MEGF6: variants seen among roughly 807,000 people sequenced by gnomAD.
The protein encoded by MEGF6 is multiple EGF like domains 6, also known as multiple epidermal growth factor-like domains protein 6.
Under a neutral mutation model 207.1 loss-of-function variants are expected in MEGF6, and 184 were observed. That is an observed-to-expected ratio of 0.89 (90% CI 0.79 to 1.00). MEGF6 has a LOEUF of 1.00. Among genes scored for constraint, MEGF6 ranks in the 50% least tolerant of loss-of-function variants. The pLI, the probability that MEGF6 is intolerant of heterozygous loss-of-function variation, is 0.00. For synonymous variants in MEGF6, 1,038 were observed against 910.0 expected, an observed-to-expected ratio of 1.14 and a Z score of -2.53; for missense variants, 2,282 against 2,202.9, an observed-to-expected ratio of 1.04 and a Z score of -0.72.
intron 5 of MEGF6, among the ~76,000 whole-genome samples, 193 bp from the exon 6 acceptor site, chr1:3,515,720 T>A (rs1456637617): frequency 3.0e-4 from 46 of 152,174 alleles, no homozygotes; most frequent in Admixed American, 3.0e-3. Flanking sequence ...CAGGCCTGGT[T>A]TTGCCTTCTC....
chr1:3,526,128 A>G (rs1641953096), intron 4 of MEGF6, among the ~76,000 whole-genome samples: 1 of 152,222 alleles, frequency 6.6e-6, no homozygotes, highest in Non-Finnish European at 1.5e-5. Context: ...GACCCCCACC[A>G]GAGAGACTTC....
In MEGF6 at chr1:3,492,212, CACAG is replaced by C. The variant is rs1263782404; in HGVS notation, c.4516+423_4516+426del. Among the ~76,000 whole-genome samples the C allele has an allele frequency of 3.3e-5, 5 of 152,188 alleles. No homozygotes were observed. The South Asian group carries it at 1.0e-3, about 32-fold the overall frequency. On this transcript the variant is annotated intron_variant, in intron 35 of 36. Coordinates refer to ENST00000356575, the MANE Select transcript of MEGF6 (RefSeq NM_001409.4). Reference sequence around the variant, plus strand: ...CTGTACGCACTGTTGCACGTGCGTGCACAGACACACCCTCACACCCTGGTGCACG... The same window carrying C: ...CTGTACGCACTGTTGCACGTGCGTGCACACACCCTCACACCCTGGTGCACG...
the MEGF6 span, among the ~76,000 whole-genome samples, chr1:3,622,942 C>T: frequency 2.6e-5 from 4 of 152,132 alleles, no homozygotes; most frequent in Admixed American, 2.6e-4. Context: ...TATAGACATC[C>T]AAGTCACTCC....
intron 3 of MEGF6, among the ~76,000 whole-genome samples, chr1:3,590,355 G>A (rs374923654): frequency 6.6e-6 from 1 of 151,650 alleles, no homozygotes; most frequent in Non-Finnish European, 1.5e-5. Flanking sequence ...CACCGGACCA[G>A]GATAAAAGTG....
chr1:3,490,858 T>G, intron 36 of MEGF6, 54 bp downstream of exon 36: 1 of 1,547,400 alleles, frequency 6.5e-7, no homozygotes, highest in Non-Finnish European at 8.8e-7. Flanking sequence ...CTTCGTTGAC[T>G]TTGCCATAAC....
intron 4 of MEGF6, among the ~76,000 whole-genome samples, chr1:3,528,655 G>A (rs530655500): frequency 1.3e-5 from 2 of 152,230 alleles, no homozygotes; most frequent in Admixed American, 6.5e-5. Flanking sequence ...GAGGAGATGT[G>A]AGCGTGGAAG....
intron 3 of MEGF6, 98 bp from the exon 4 acceptor site, chr1:3,580,027 C>T (rs1165665098): frequency 3.7e-6 from 3 of 810,614 alleles, no homozygotes; most frequent in Non-Finnish European, 5.7e-6. Flanking sequence ...CCCACCCAGC[C>T]TGCCAGGTCC....
chr1:3,564,803 A>C (rs1570147722), intron 4 of MEGF6, among the ~76,000 whole-genome samples: 1 of 150,708 alleles, frequency 6.6e-6, no homozygotes, highest in African/African-American at 2.4e-5. Context: ...GGCCCCCTTC[A>C]CCCCCATCTG....
At chr1:3,526,844 C>G (rs67181577) in intron 4 of MEGF6, among the ~76,000 whole-genome samples, 4,668 of 152,304 alleles carry the variant, frequency 0.031, 99 homozygotes, top group Middle Eastern at 0.061. Flanking sequence ...ATGAGCCGAG[C>G]ATCTGGGGCC....
chr1:3,597,634 G>A (rs79817688), intron 2 of MEGF6, among the ~76,000 whole-genome samples: 6,608 of 152,284 alleles, frequency 0.043, 489 homozygotes, highest in African/African-American at 0.15. Context: ...CAGGCACAGG[G>A]GATGGCTGTG....
intron 9 of MEGF6, 105 bp downstream of exon 9, chr1:3,511,445 G>GACT: frequency 7.4e-7 from 1 of 1,354,660 alleles, no homozygotes; most frequent in Non-Finnish European, 9.8e-7. Context: ...GACTCAGGGA[G>GACT]ACTGACGAGG....
chr1:3,545,650 C>T (rs1642677730), intron 4 of MEGF6, among the ~76,000 whole-genome samples: 1 of 152,196 alleles, frequency 6.6e-6, no homozygotes, highest in African/African-American at 2.4e-5. Flanking sequence ...TGGGGCTTTC[C>T]GCCACCCCAG....
intron 4 of MEGF6, among the ~76,000 whole-genome samples, chr1:3,545,428 G>C (rs2101546695): frequency 6.6e-6 from 1 of 152,274 alleles, no homozygotes; most frequent in South Asian, 2.1e-4. Context: ...GTCCCACCTG[G>C]GACAGGCTCC....
chr1:3,591,924 G>A (rs188821631), intron 3 of MEGF6, among the ~76,000 whole-genome samples: 56 of 152,176 alleles, frequency 3.7e-4, no homozygotes, highest in Non-Finnish European at 7.4e-4. Flanking sequence ...GCTCACAAGC[G>A]ACCTGGAGGG....
Position 3,507,913 on chromosome 1 carries a change from C to T in MEGF6, c.1671G>A (p.Pro557=), listed in dbSNP as rs559648602. ...AGCTGCAGTTCTTCCCAAAGGTGTC[C>T]GGAGGACAAGCTACAAAGAATGACA... The part of the protein sequence containing the change: ...TGLICNETCP[P]DTFGKNCSFS... The change falls in exon 14 of 37, where the codon CCG becomes CCA. Residue 557 remains proline (P), a synonymous_variant. Transcript: ENST00000356575. 15 of 1,611,274 alleles carry T rather than the reference C, an allele frequency of 9.3e-6. No individual in the cohort carries two copies. The highest frequency in any genetic ancestry group is 6.7e-5 in the East Asian group (3 of 44,832).
chr1:3,578,022 T>C (rs1410604721), intron 4 of MEGF6, among the ~76,000 whole-genome samples: 1 of 152,158 alleles, frequency 6.6e-6, no homozygotes. Context: ...AGCTGGCTCC[T>C]GACAAAGATG....
At chr1:3,531,837 CG>C (rs1366939918) in intron 4 of MEGF6, among the ~76,000 whole-genome samples, 1 of 136,198 alleles carries the variant, frequency 7.3e-6, no homozygotes. Flanking sequence ...GGCCGCGGGG[CG>C]GGGGAGGGGG....
intron 10 of MEGF6, 62 bp from the exon 11 acceptor site, chr1:3,510,054 GC>G: frequency 6.5e-7 from 1 of 1,542,654 alleles, no homozygotes. Context: ...GAAGGCCCCT[GC>G]CCACCCAGTC....
At position 3,580,123 on chromosome 1, in the gene MEGF6, G is replaced by A. The variant is rs565438619; in HGVS notation, c.377-194C>T. ...GTCCCCAAACTCCAGCCACGGCCACGTGCAGTTGGGGTTAGGCGGAACCCC... is the reference window on the plus strand; with the variant it reads ...GTCCCCAAACTCCAGCCACGGCCACATGCAGTTGGGGTTAGGCGGAACCCC... On this transcript the variant is annotated intron_variant, in intron 3 of 36. Coordinates refer to ENST00000356575, the MANE Select transcript of MEGF6 (RefSeq NM_001409.4). Among the ~76,000 whole-genome samples, 128 of 152,244 alleles carry A rather than the reference G, an allele frequency of 8.4e-4. 1 individual carries two copies. The highest frequency in any genetic ancestry group is 2.8e-3 in the African/African-American group (117 of 41,524).
Sources: allele counts gnomAD v4.1 joint callset (sites outside exome capture counted in the v4.1 genomes callset), GRCh38; gene constraint gnomAD v4.1.1; transcripts MANE v1.5; gene names NCBI Gene and HGNC (gene_info 2026-07-23, HGNC 2026-07-21).